STS: variants seen among roughly 807,000 people sequenced by gnomAD.
STS encodes steroid sulfatase, also known as steryl-sulfatase.
Under a neutral mutation model 26.8 loss-of-function variants are expected in STS, and 7 were observed. The ratio of observed to expected loss-of-function variants is 0.26; its 90% CI spans 0.15 to 0.49. The LOEUF is 0.49. Ranked by LOEUF, STS falls within the 20% of genes least tolerant of loss-of-function variation. STS has a pLI of 0.98. For missense variants in STS, 434 were observed against 465.6 expected, an observed-to-expected ratio of 0.93 and a Z score of 0.63; for synonymous variants, 199 against 189.4, an observed-to-expected ratio of 1.05 and a Z score of -0.42.
chrX:7,257,311 G>C lies in STS; in HGVS notation c.207G>C (p.Leu69=). 8.3e-7 allele frequency: 1 copy of C among 1,212,057 alleles called. No individual in the cohort carries two copies. The highest frequency in any genetic ancestry group is 1.1e-6 in the Non-Finnish European group (1 of 895,471). The change falls in exon 4 of 11, where the codon CTG becomes CTC. Residue 69 remains leucine, a synonymous_variant. Transcript: ENST00000674429. ...KLTQHLAASP[L]CTPSRAAFMT... ...CTCAGCACCTGGCAGCATCACCGCT[G>C]TGCACACCAAGCAGGGCAGCCTTCA...
chrX:7,232,517 G>A (rs1391038692), intron 2 of STS, among the ~76,000 whole-genome samples: 1 of 111,428 alleles, frequency 9.0e-6, no homozygotes, highest in Non-Finnish European at 1.9e-5. Context: ...GAAGAGGCTG[G>A]CAAGGTTTCC....
chrX:7,247,571 G>A (rs1363311064), intron 2 of STS, among the ~76,000 whole-genome samples: 2 of 112,379 alleles, frequency 1.8e-5, no homozygotes, highest in African/African-American at 6.5e-5. Context: ...TAAGAGCTAT[G>A]TAGTTGACAG....
At chrX:7,261,290 A>G (rs1239797236) in intron 6 of STS, among the ~76,000 whole-genome samples, 1 of 111,300 alleles carries the variant, frequency 9.0e-6, no homozygotes, top group Non-Finnish European at 1.9e-5. Flanking sequence ...AATATAGGTA[A>G]TATTGGTTTG....
chrX:7,161,432 A>G, intron 1 of STS, among the ~76,000 whole-genome samples: 2 of 112,228 alleles, frequency 1.8e-5, no homozygotes, highest in African/African-American at 6.5e-5. Flanking sequence ...CTGAAAATTT[A>G]TATTAATTGC....
chrX:7,149,393 T>A (rs1932963450), intron 1 of STS, among the ~76,000 whole-genome samples: 1 of 111,317 alleles, frequency 9.0e-6, no homozygotes, highest in South Asian at 3.8e-4. Flanking sequence ...AAAATGGAGG[T>A]GATAAAGGAG....
chrX:7,241,908 C>A (rs1237953667), intron 2 of STS, among the ~76,000 whole-genome samples: 1 of 111,711 alleles, frequency 9.0e-6, no homozygotes, highest in Admixed American at 9.6e-5. Context: ...TAGTTCCTTG[C>A]AGGATGTTCA....
Position 7,148,090 on chromosome X carries a change from G to A in STS, c.-134+7G>A, listed in dbSNP as rs1602858406. 8.8e-7 allele frequency: 1 copy of A among 1,136,399 alleles called. No homozygotes were observed. The highest frequency in any genetic ancestry group is 2.0e-5 in the South Asian group (1 of 50,311). The allele number at this position is 1,136,399 out of a possible 1,213,427, so 93.7% of individuals were successfully genotyped here. On this transcript the variant is annotated splice_region_variant and intron_variant, in intron 1 of 10. Coordinates refer to ENST00000674429, the MANE Select transcript of STS (RefSeq NM_001320752.2). ...CGTCCATGTCAAAGATGAGGTGGGT[G>A]ACGGGCTGCGGGGGCGCCGCCATGG...
At chrX:7,204,190 C>G (rs1934136854) in intron 2 of STS, among the ~76,000 whole-genome samples, 1 of 111,620 alleles carries the variant, frequency 9.0e-6, no homozygotes, top group African/African-American at 3.3e-5. Flanking sequence ...AAAAAATATT[C>G]TTCAAAAATC....
intron 9 of STS, among the ~76,000 whole-genome samples, chrX:7,326,316 G>A (rs1363530560): frequency 8.9e-6 from 1 of 112,037 alleles, no homozygotes; most frequent in African/African-American, 3.2e-5. Flanking sequence ...GGCACTGAAG[G>A]TTTTTAGTGA....
intron 1 of STS, among the ~76,000 whole-genome samples, chrX:7,182,087 C>CA (rs1352930544): frequency 6.3e-5 from 7 of 111,300 alleles, no homozygotes; most frequent in Admixed American, 3.8e-4. Context: ...AACAAAAAAA[C>CA]AAAAAAACCT....
intron 2 of STS, among the ~76,000 whole-genome samples, chrX:7,236,788 G>C (rs1922329667): frequency 9.0e-6 from 1 of 110,875 alleles, no homozygotes; most frequent in Admixed American, 9.6e-5. Flanking sequence ...TATATTTTTA[G>C]TAGTGAAACA....
intron 2 of STS, among the ~76,000 whole-genome samples, chrX:7,202,189 T>C (rs1173964284): frequency 2.7e-5 from 3 of 112,028 alleles, no homozygotes; most frequent in Non-Finnish European, 5.6e-5. Flanking sequence ...TCCTCTCTTA[T>C]TCCTTTATTA....
intron 2 of STS, among the ~76,000 whole-genome samples, chrX:7,205,435 G>T (rs1261932638): frequency 9.0e-6 from 1 of 111,455 alleles, no homozygotes; most frequent in African/African-American, 3.3e-5. Context: ...TCCCCATACT[G>T]ACTAGCAGCT....
At chrX:7,253,595 A>T (rs995621390) in intron 3 of STS, among the ~76,000 whole-genome samples, 13 of 111,768 alleles carry the variant, frequency 1.2e-4, no homozygotes, top group Non-Finnish European at 2.4e-4. Context: ...TTCTTTACTA[A>T]TGGCTACGAT....
chrX:7,152,410 CG>C (rs1933038094), intron 1 of STS, among the ~76,000 whole-genome samples: 1 of 111,655 alleles, frequency 9.0e-6, no homozygotes, highest in Non-Finnish European at 1.9e-5. Flanking sequence ...CCCCTCCTTC[CG>C]GGTTCAAGCG....
At chrX:7,201,227 T>G (rs1390664118) in intron 2 of STS, among the ~76,000 whole-genome samples, 1 of 111,491 alleles carries the variant, frequency 9.0e-6, no homozygotes, top group East Asian at 2.8e-4. Context: ...GATATCTAGA[T>G]TGATATATAG....
intron 7 of STS, among the ~76,000 whole-genome samples, chrX:7,285,298 G>A (rs759192947): frequency 3.5e-4 from 39 of 111,491 alleles, no homozygotes; most frequent in South Asian, 1.1e-3. Context: ...TGCAGATTGT[G>A]TTTGGAAAAT....
At chrX:7,315,640 G>T (rs1352754819) in intron 8 of STS, among the ~76,000 whole-genome samples, 8 of 111,516 alleles carry the variant, frequency 7.2e-5, no homozygotes, top group African/African-American at 2.6e-4. Flanking sequence ...TCGAAGGTCC[G>T]AGAGCCCCTG....
chrX:7,175,706 T>C (rs1347094370), intron 1 of STS, among the ~76,000 whole-genome samples: 1 of 111,994 alleles, frequency 8.9e-6, no homozygotes, highest in Non-Finnish European at 1.9e-5. Context: ...CCAAACTCAA[T>C]ATGATTAAAA....
Sources: allele counts gnomAD v4.1 joint callset (sites outside exome capture counted in the v4.1 genomes callset), GRCh38; gene constraint gnomAD v4.1.1; transcripts MANE v1.5; gene names NCBI Gene and HGNC (gene_info 2026-07-23, HGNC 2026-07-21).